ADAMTSL3: variants seen among roughly 807,000 people sequenced by gnomAD.
The protein encoded by ADAMTSL3 is ADAMTS like 3.
Under a neutral mutation model 201.7 loss-of-function variants are expected in ADAMTSL3, and 128 were observed. That is an observed-to-expected ratio of 0.63 (90% CI 0.55 to 0.73). The LOEUF (loss-of-function observed/expected upper bound fraction) is 0.73, where lower values mean the gene tolerates loss of function less well. Among genes scored for constraint, ADAMTSL3 ranks in the 30% least tolerant of loss-of-function variants. The probability of loss-of-function intolerance (pLI) is 0.00; values close to 1 mark genes in which losing one functional copy is unlikely to be tolerated. For missense variants in ADAMTSL3, 1,990 were observed against 2,119.6 expected (o/e 0.94, Z 1.20); for synonymous variants, 738 against 748.4 (o/e 0.99, Z 0.23).
chr15:83,704,335 G>A (rs1364667653), intron 2 of ADAMTSL3, 54 bp from the exon 3 acceptor site: 53 of 1,612,610 alleles, frequency 3.3e-5, no homozygotes, highest in African/African-American at 5.3e-5. Flanking sequence ...GACTTTACCT[G>A]TCAGGGGGTC....
chr15:83,745,359 T>G (rs1275173669), intron 3 of ADAMTSL3, among the ~76,000 whole-genome samples: 2 of 152,182 alleles, frequency 1.3e-5, no homozygotes, highest in African/African-American at 4.8e-5. Flanking sequence ...GCTGACCCTC[T>G]GTCCTCATTA....
intron 19 of ADAMTSL3, among the ~76,000 whole-genome samples, chr15:83,944,269 T>A (rs951962732): frequency 3.9e-5 from 6 of 152,190 alleles, no homozygotes; most frequent in African/African-American, 1.4e-4. Flanking sequence ...CAGTCCTTAT[T>A]CTTCTTCCAG....
chr15:83,837,434 G>A (rs914714776), intron 6 of ADAMTSL3, among the ~76,000 whole-genome samples: 15 of 151,982 alleles, frequency 9.9e-5, no homozygotes, highest in Non-Finnish European at 1.9e-4. Flanking sequence ...TAGGATAAGT[G>A]TAGGGCTGGG....
chr15:83,752,110 A>T (rs1376572036), intron 3 of ADAMTSL3, among the ~76,000 whole-genome samples: 2 of 152,238 alleles, frequency 1.3e-5, no homozygotes, highest in Non-Finnish European at 2.9e-5. Flanking sequence ...ACAAAATGAA[A>T]AGAGAATGAA....
chr15:83,691,601 T>C (rs1567075422), intron 2 of ADAMTSL3, among the ~76,000 whole-genome samples: 1 of 152,176 alleles, frequency 6.6e-6, no homozygotes, highest in African/African-American at 2.4e-5. Context: ...AAAACCAAGT[T>C]ACATTTTCTT....
At chr15:83,773,228 A>G (rs1450220402) in intron 3 of ADAMTSL3, among the ~76,000 whole-genome samples, 1 of 152,114 alleles carries the variant, frequency 6.6e-6, no homozygotes, top group Non-Finnish European at 1.5e-5. Flanking sequence ...CCTGGCCAAC[A>G]TGGCAAAACC....
intron 2 of ADAMTSL3, among the ~76,000 whole-genome samples, chr15:83,693,585 A>G (rs766181093): frequency 1.9e-4 from 29 of 152,224 alleles, no homozygotes; most frequent in Non-Finnish European, 3.4e-4. Context: ...AATCAGAAAA[A>G]AAAAGTGATT....
chr15:83,727,844 A>G (rs934716552), intron 3 of ADAMTSL3, among the ~76,000 whole-genome samples: 5 of 152,006 alleles, frequency 3.3e-5, no homozygotes, highest in East Asian at 1.9e-4. Flanking sequence ...TTCTGCAACC[A>G]TTGGATGAAA....
At chr15:83,950,750 A>C (rs1192902251) in intron 19 of ADAMTSL3, among the ~76,000 whole-genome samples, 1 of 151,768 alleles carries the variant, frequency 6.6e-6, no homozygotes, top group Non-Finnish European at 1.5e-5. Context: ...TTGGTATTTC[A>C]TTTTATTTGT....
chr15:83,698,625 TG>T (rs369991432), intron 2 of ADAMTSL3, among the ~76,000 whole-genome samples: 42,063 of 152,092 alleles, frequency 0.28, 6,026 homozygotes, highest in South Asian at 0.49. Flanking sequence ...GAGGGCCACA[TG>T]CCACTGAGTC....
chr15:83,983,026 C>T lies in ADAMTSL3; in HGVS notation c.3398C>T (p.Pro1133Leu). 1 of 1,614,164 alleles carries T rather than the reference C, an allele frequency of 6.2e-7. No homozygotes were observed. Among genetic ancestry groups the T allele is most frequent in the Non-Finnish European group, 8.5e-7 (1 of 1,180,024 alleles). ...QLVAELAKAQ[P>L]THMQWRGIQE... ...GTGGCCGAATTAGCCAAGGCACAGC[C>T]AACACACATGCAGTGGCGGGGCATC... The change falls in exon 21 of 30, where the codon CCA becomes CTA. Residue 1133 changes from proline (P) to leucine (L), a missense_variant. Pro to Leu is a moderately conservative substitution (Grantham distance 98, BLOSUM62 -3). Transcript: ENST00000286744.
rs112527144 is a variant in ADAMTSL3, at chr15:83,838,212, A to G, written c.724A>G (p.Lys242Glu). 2.1e-3 allele frequency: 3,377 copies of G among 1,612,466 alleles called. 45 individuals carry two copies. The African/African-American group carries it at 0.03, about 15-fold the overall frequency. The part of the protein sequence containing the change: ...GQSKSHVSPE[K>E]REENVIAVPL... ...ATCAAAGTCACACGTTTCTCCTGAAAAAAGTAGGTTTTAAACCCAATACGT... is the reference window on the plus strand; with the variant it reads ...ATCAAAGTCACACGTTTCTCCTGAAGAAAGTAGGTTTTAAACCCAATACGT... Residue 242 changes from lysine to glutamate, a missense_variant, in exon 7 of 30, where the codon AAA becomes GAA. By Grantham distance (56) the Lys-to-Glu change is moderately conservative. Coordinates refer to ENST00000286744, the MANE Select transcript of ADAMTSL3 (RefSeq NM_207517.3).
chr15:83,872,598 C>CCA (rs149299146), intron 9 of ADAMTSL3, among the ~76,000 whole-genome samples: 3,330 of 46,490 alleles, frequency 0.072, 126 homozygotes, highest in East Asian at 0.39. Context: ...AAAATATACA[C>CCA]CACACACACA....
At chr15:83,985,640 TC>T (rs1335342679) in intron 21 of ADAMTSL3, among the ~76,000 whole-genome samples, 4 of 152,174 alleles carry the variant, frequency 2.6e-5, no homozygotes, top group Admixed American at 2.6e-4. Context: ...TCTTTTTTTT[TC>T]TTTTCTTTAT....
chr15:84,006,791 C>G (rs890445473), intron 23 of ADAMTSL3, among the ~76,000 whole-genome samples: 2 of 152,228 alleles, frequency 1.3e-5, no homozygotes, highest in Non-Finnish European at 2.9e-5. Flanking sequence ...TGAATTTCCT[C>G]TGGCCTGTTC....
chr15:83,678,797 A>AAT (rs1555429361), intron 2 of ADAMTSL3, among the ~76,000 whole-genome samples: 3 of 139,356 alleles, frequency 2.2e-5, no homozygotes, highest in African/African-American at 8.0e-5. Context: ...ATGTATATAT[A>AAT]ATATATATTT....
intron 6 of ADAMTSL3, among the ~76,000 whole-genome samples, chr15:83,831,106 G>GCATCACT (rs1403542571): frequency 1.3e-5 from 2 of 152,162 alleles, no homozygotes; most frequent in African/African-American, 4.8e-5. Flanking sequence ...GCTTGTGGAA[G>GCATCACT]CATCACTCTA....
intron 20 of ADAMTSL3, 87 bp downstream of exon 20, chr15:83,970,724 T>C (rs1567272530): frequency 1.3e-6 from 2 of 1,525,478 alleles, no homozygotes; most frequent in Non-Finnish European, 1.8e-6. Context: ...CGTCAACAGA[T>C]TTCTAATCTG....
chr15:83,821,636 C>T (rs2063868042), intron 6 of ADAMTSL3, among the ~76,000 whole-genome samples: 1 of 151,806 alleles, frequency 6.6e-6, no homozygotes, highest in African/African-American at 2.4e-5. Flanking sequence ...TCTCCCATGT[C>T]TACCTCTTTC....
Sources: allele counts gnomAD v4.1 joint callset (sites outside exome capture counted in the v4.1 genomes callset), GRCh38; gene constraint gnomAD v4.1.1; transcripts MANE v1.5; gene names NCBI Gene and HGNC (gene_info 2026-07-23, HGNC 2026-07-21).